Variants in MOB3A observed in about 807,000 individuals in gnomAD.
The protein encoded by MOB3A is MOB kinase activator 3A, also known as MOB LAK.
MOB3A carries 17 observed loss-of-function variants against 17.8 expected under a neutral mutation model. The observed-to-expected ratio is 0.95, with a 90% CI of 0.65 to 1.43. The LOEUF is 1.43. MOB3A is among the 40% of genes most tolerant of loss of function. The pLI is 0.00. For synonymous variants in MOB3A, 124 were observed against 133.2 expected, an observed-to-expected ratio of 0.93 and a Z score of 0.48; for missense variants, 333 against 310.8, an observed-to-expected ratio of 1.07 and a Z score of -0.54.
chr19:2,075,005 C>G (rs2017385964), intron 4 of MOB3A, among the ~76,000 whole-genome samples: 1 of 151,656 alleles, frequency 6.6e-6, no homozygotes, highest in African/African-American at 2.4e-5. Context: ...GCGTGAGCCA[C>G]CACGCCGGGC....
rs1200437751 is a variant in MOB3A, at chr19:2,071,093, G to A, written c.*2302C>T. The A allele has an allele frequency of 6.6e-6, 1 of 152,108 alleles. No homozygotes were observed. Among genetic ancestry groups the A allele is most frequent in the Non-Finnish European group, 1.5e-5 (1 of 68,044 alleles). The allele number at this position is 152,108 out of a possible 1,614,324, so 9.4% of individuals were successfully genotyped here. On this transcript the variant is annotated 3_prime_UTR_variant, in exon 5 of 5. Transcript: ENST00000357066. ...ATCTGGCTGGGGGAGGGTGGTCTCC[G>A]AGGTGGATGGAGTGAGGGTGGAGGG...
intron 1 of MOB3A, among the ~76,000 whole-genome samples, chr19:2,092,942 G>A (rs771471696): frequency 2.0e-5 from 3 of 151,984 alleles, no homozygotes; most frequent in Non-Finnish European, 4.4e-5. Flanking sequence ...CAGAAGTGAA[G>A]GCCTCCTCCC....
chr19:2,094,485 C>T (rs957297515), intron 1 of MOB3A, among the ~76,000 whole-genome samples: 21 of 152,192 alleles, frequency 1.4e-4, no homozygotes, highest in African/African-American at 5.1e-4. Flanking sequence ...GGTTTTGTCT[C>T]ACGGGTCAAA....
chr19:2,076,840 G>A lies in MOB3A; in HGVS notation c.595C>T (p.Leu199Phe). ...HFYYFVKEFGLIDTKELEPLK... is the reference protein window; with the variant it reads ...HFYYFVKEFGFIDTKELEPLK... Reference sequence around the variant, plus strand: ...GGCTCCAGCTCCTTGGTGTCGATGAGGCCGAACTCCTTGACGAAATAGTAG... The same window carrying A: ...GGCTCCAGCTCCTTGGTGTCGATGAAGCCGAACTCCTTGACGAAATAGTAG... Residue 199 changes from leucine to phenylalanine, a missense_variant, in exon 4 of 5, where the codon CTC becomes TTC. Leu to Phe is a conservative substitution (Grantham distance 22, BLOSUM62 0). Transcript: ENST00000357066. 2 of 1,613,972 alleles carry A rather than the reference G, an allele frequency of 1.2e-6. No individual in the cohort carries two copies. Among genetic ancestry groups the A allele is most frequent in the South Asian group, 1.1e-5 (1 of 91,082 alleles).
At chr19:2,073,456 C>G in intron 4 of MOB3A, 32 bp from the exon 5 acceptor site, 1 of 1,613,762 alleles carries the variant, frequency 6.2e-7, no homozygotes, top group Non-Finnish European at 8.5e-7. Flanking sequence ...TCAGCTCCCA[C>G]CAGCCACTCC....
chr19:2,088,120 G>A (rs2017573953), intron 1 of MOB3A, among the ~76,000 whole-genome samples: 1 of 152,214 alleles, frequency 6.6e-6, no homozygotes, highest in African/African-American at 2.4e-5. Flanking sequence ...GGGGGCATTT[G>A]TGGTTGTCAT....
In MOB3A at chr19:2,073,149, T is replaced by C. The variant is rs2017359798; in HGVS notation, c.*246A>G. The C allele has an allele frequency of 1.8e-6, 1 of 567,478 alleles. No individual in the cohort carries two copies. The highest frequency in any genetic ancestry group is 3.1e-6 in the Non-Finnish European group (1 of 319,276). 35.2% of individuals were successfully genotyped at this position (567,478 alleles called of 1,614,324 possible). A position where few individuals can be genotyped will look rare whatever the true frequency, so the allele number is the denominator to read the frequency against. On this transcript the variant is annotated 3_prime_UTR_variant, in exon 5 of 5. Transcript: ENST00000357066. The stretch of plus-strand genomic sequence containing the variant: ...AAACACAGTGGGCTTTTCCGGTTGC[T>C]AGTAACACATAGAATTACAGAGTTC...
intron 1 of MOB3A, among the ~76,000 whole-genome samples, chr19:2,091,544 C>T (rs568801762): frequency 2.7e-4 from 41 of 151,836 alleles, no homozygotes; most frequent in African/African-American, 8.7e-4. Flanking sequence ...CCACTACGCC[C>T]AGCTAATTTT....
At chr19:2,084,984 A>G (rs1397232982) in intron 2 of MOB3A, among the ~76,000 whole-genome samples, 191 bp downstream of exon 2, 1 of 152,004 alleles carries the variant, frequency 6.6e-6, no homozygotes, top group African/African-American at 2.4e-5. Flanking sequence ...TCAGCCTCCC[A>G]AAGTGCTGGG....
intron 1 of MOB3A, among the ~76,000 whole-genome samples, chr19:2,088,250 G>C (rs1375517971): frequency 2.0e-5 from 3 of 152,190 alleles, no homozygotes; most frequent in Non-Finnish European, 4.4e-5. Flanking sequence ...CAGTGCCGAG[G>C]GGGACAAAGC....
intron 1 of MOB3A, chr19:2,095,137 C>G (rs2017660939): frequency 6.5e-6 from 1 of 152,726 alleles, no homozygotes; most frequent in Admixed American, 6.5e-5. Flanking sequence ...CGCCACTGCT[C>G]TCCAGCCTGG....
rs372809219 is a variant in MOB3A, at chr19:2,080,438, C to T, written c.-119-1759G>A. 8.0e-4 allele frequency among the ~76,000 whole-genome samples: 122 copies of T among 152,008 alleles called. 2 individuals are homozygous for T. Among genetic ancestry groups the T allele is most frequent in the Non-Finnish European group, 1.1e-3 (78 of 67,930 alleles). ...TGTCACCCAGGCTGGAGTGCAGTAGCGCGATCTCAGCTCACTGCAGCCTCC... is the reference window on the plus strand; with the variant it reads ...TGTCACCCAGGCTGGAGTGCAGTAGTGCGATCTCAGCTCACTGCAGCCTCC... On this transcript the variant is annotated intron_variant, in intron 2 of 4. Transcript: ENST00000357066.
intron 1 of MOB3A, 45 bp from the exon 2 acceptor site, chr19:2,085,373 CTTTTTTTTTT>C (rs553400214): frequency 1.4e-5 from 2 of 140,016 alleles, no homozygotes; most frequent in Admixed American, 7.2e-5. Flanking sequence ...TGCTGCAACA[CTTTTTTTTTT>C]TTTTTTTTTG....
chr19:2,083,767 C>T (rs917140329), intron 2 of MOB3A, among the ~76,000 whole-genome samples: 1 of 152,214 alleles, frequency 6.6e-6, no homozygotes, highest in Non-Finnish European at 1.5e-5. Context: ...ATTTCAGGGC[C>T]TCCCATGCCA....
rs183971370 is a variant in MOB3A, at chr19:2,090,385, A to G, written c.-273-5057T>C. Reference sequence around the variant, plus strand: ...ATAGACCACCCTGCCCCCTGCCCCCACAGGCCTGAACACGGTGAAGATTCT... The same window carrying G: ...ATAGACCACCCTGCCCCCTGCCCCCGCAGGCCTGAACACGGTGAAGATTCT... On this transcript the variant is annotated intron_variant, in intron 1 of 4. Coordinates refer to ENST00000357066, the MANE Select transcript of MOB3A (RefSeq NM_130807.3). Among the ~76,000 whole-genome samples the G allele has an allele frequency of 2.8e-3, 424 of 152,078 alleles. 1 individual carries two copies. The highest frequency in any genetic ancestry group is 5.0e-3 in the Non-Finnish European group (341 of 67,970).
rs2017362675 is a variant in MOB3A at position 2,073,338 on chromosome 19, C to CCTCCAAGT, written c.*49_*56dup. On this transcript the variant is annotated 3_prime_UTR_variant, in exon 5 of 5. Transcript: ENST00000357066. ...CGGGATGATGGTTCCAGAGCGTCCT[C>CCTCCAAGT]CTCCAAGTCTCCGAGGCCCCAGCGG... is the stretch of plus-strand genomic sequence containing the variant. 5.6e-6 allele frequency: 9 copies of CCTCCAAGT among 1,604,526 alleles called. No homozygotes were observed. The highest frequency in any genetic ancestry group is 1.3e-5 in the African/African-American group (1 of 74,882).
chr19:2,085,287 C>T lies in MOB3A; in HGVS notation c.-232G>A, dbSNP rs889418577. 2.0e-5 allele frequency: 3 copies of T among 152,080 alleles called. No homozygotes were observed. The highest frequency in any genetic ancestry group is 4.8e-5 in the African/African-American group (2 of 41,378). 9.4% of individuals were successfully genotyped at this position (152,080 alleles called of 1,614,324 possible). ...CACACCAAGGCCTTCTGGGCTCCCC[C>T]GGTCTTCCCACGGACGAGACACAAG... On this transcript the variant is annotated 5_prime_UTR_variant, in exon 2 of 5. Transcript: ENST00000357066.
intron 1 of MOB3A, among the ~76,000 whole-genome samples, chr19:2,094,484 T>C (rs1157021002): frequency 2.6e-5 from 4 of 152,206 alleles, no homozygotes; most frequent in Non-Finnish European, 5.9e-5. Context: ...GGGTTTTGTC[T>C]CACGGGTCAA....
At chr19:2,079,458 G>A (rs973622666) in intron 2 of MOB3A, among the ~76,000 whole-genome samples, 1 of 152,244 alleles carries the variant, frequency 6.6e-6, no homozygotes, top group African/African-American at 2.4e-5. Context: ...ACATCCTCAG[G>A]AGTGAGGCAG....
Sources: gnomAD v4.1 joint callset for allele counts (sites outside exome capture counted in the v4.1 genomes callset) on GRCh38, gnomAD v4.1.1 for gene constraint, MANE v1.5 for transcripts, NCBI Gene and HGNC (gene_info 2026-07-23, HGNC 2026-07-21) for gene names.